PDE8B: variants seen among roughly 807,000 people sequenced by gnomAD.
The protein encoded by PDE8B is high affinity cAMP-specific and IBMX-insensitive 3',5'-cyclic phosphodiesterase 8B.
Under a neutral mutation model 101.3 loss-of-function variants are expected in PDE8B, and 26 were observed. The ratio of observed to expected loss-of-function variants is 0.26; its 90% CI spans 0.19 to 0.36. The LOEUF (loss-of-function observed/expected upper bound fraction) is 0.36, where lower values mean the gene tolerates loss of function less well. PDE8B is among the 10% of genes least tolerant of loss of function. The pLI is 1.00. For synonymous variants in PDE8B, 424 were observed against 429.3 expected, an observed-to-expected ratio of 0.99 and a Z score of 0.15; for missense variants, 810 against 1,163.1, an observed-to-expected ratio of 0.70 and a Z score of 4.42.
chr5:77,093,251 A>G, the PDE8B span, among the ~76,000 whole-genome samples: 1 of 152,130 alleles, frequency 6.6e-6, no homozygotes, highest in South Asian at 2.1e-4. Context: ...TACTAATTCA[A>G]TGTCTTCATT....
intron 1 of PDE8B, among the ~76,000 whole-genome samples, chr5:77,275,887 A>G (rs1471798371): frequency 6.6e-6 from 1 of 152,212 alleles, no homozygotes; most frequent in Non-Finnish European, 1.5e-5. Flanking sequence ...AGACACACCA[A>G]AGGGTACTTA....
intron 10 of PDE8B, among the ~76,000 whole-genome samples, chr5:77,360,879 T>A (rs1013400299): frequency 6.6e-6 from 1 of 152,224 alleles, no homozygotes; most frequent in Admixed American, 6.5e-5. Flanking sequence ...CAGAGCCTCA[T>A]GACCACTCCC....
chr5:77,264,328 T>C (rs927938952), intron 1 of PDE8B, among the ~76,000 whole-genome samples: 1 of 152,246 alleles, frequency 6.6e-6, no homozygotes, highest in African/African-American at 2.4e-5. Context: ...TGTTTAGCTG[T>C]TTGAGGAACT....
the PDE8B span, among the ~76,000 whole-genome samples, chr5:77,106,446 A>G: frequency 1.3e-4 from 20 of 152,200 alleles, no homozygotes; most frequent in African/African-American, 4.8e-4. Context: ...TGGCACAAAA[A>G]TCACTTGACC....
intron 5 of PDE8B, among the ~76,000 whole-genome samples, chr5:77,332,682 A>T (rs1332918163): frequency 2.6e-5 from 4 of 152,148 alleles, no homozygotes; most frequent in Non-Finnish European, 5.9e-5. Context: ...TACTAAAAAT[A>T]CAAAATTAGC....
intron 1 of PDE8B, among the ~76,000 whole-genome samples, chr5:77,310,226 C>T (rs1266347097): frequency 6.6e-6 from 1 of 152,240 alleles, no homozygotes; most frequent in Non-Finnish European, 1.5e-5. Flanking sequence ...GCTGGGATTA[C>T]AGGCGAGAGC....
intron 1 of PDE8B, chr5:77,291,930 T>C (rs1767446258): frequency 1.2e-6 from 1 of 812,954 alleles, no homozygotes; most frequent in African/African-American, 1.7e-5. Flanking sequence ...AATCCCCCTA[T>C]GACCCCAAAG....
upstream of PDE8B, chr5:77,210,414 C>T (rs1229851784): frequency 1.6e-5 from 2 of 126,916 alleles, no homozygotes; most frequent in African/African-American, 3.3e-5. This position sits in a 1 kb window ranked among gnomAD's most constrained non-coding sequence, Gnocchi z 4.9. Flanking sequence ...GCTGCGGCCG[C>T]GGAGCCGGGG....
the PDE8B span, among the ~76,000 whole-genome samples, chr5:77,163,830 T>A: frequency 6.6e-6 from 1 of 152,242 alleles, no homozygotes; most frequent in Non-Finnish European, 1.5e-5. Flanking sequence ...AGAGTCACAG[T>A]TTAAGAACTC....
At chr5:77,231,514 A>G (rs1320021876) in intron 1 of PDE8B, among the ~76,000 whole-genome samples, 1 of 152,226 alleles carries the variant, frequency 6.6e-6, no homozygotes, top group Non-Finnish European at 1.5e-5. Flanking sequence ...CTTTTGTGTG[A>G]TAATCAGAGA....
At chr5:77,315,226 T>C (rs1773547007) in intron 2 of PDE8B, among the ~76,000 whole-genome samples, 1 of 152,238 alleles carries the variant, frequency 6.6e-6, no homozygotes, top group African/African-American at 2.4e-5. Context: ...TAAAAATCTT[T>C]ACTCCCAGGT....
chr5:77,224,952 A>G (rs1751993168), intron 1 of PDE8B, among the ~76,000 whole-genome samples: 2 of 151,916 alleles, frequency 1.3e-5, no homozygotes, highest in Admixed American at 1.3e-4. Flanking sequence ...GATAGGATTC[A>G]GGTTTATTTA....
chr5:77,385,205 G>T (rs1360712263), intron 10 of PDE8B, among the ~76,000 whole-genome samples: 1 of 151,988 alleles, frequency 6.6e-6, no homozygotes, highest in Non-Finnish European at 1.5e-5. Flanking sequence ...GACTTGGGAG[G>T]GTGTATGTGT....
intron 1 of PDE8B, among the ~76,000 whole-genome samples, chr5:77,301,525 T>C (rs930646861): frequency 1.3e-5 from 2 of 152,236 alleles, no homozygotes; most frequent in Non-Finnish European, 2.9e-5. Context: ...TTTTCCACAG[T>C]CTGGATAATT....
At chr5:77,283,072 GA>G (rs1030174102) in intron 1 of PDE8B, among the ~76,000 whole-genome samples, 17 of 152,024 alleles carry the variant, frequency 1.1e-4, no homozygotes, top group African/African-American at 4.1e-4. Flanking sequence ...TAAAAGTATG[GA>G]TATATTATTG....
At chr5:77,366,516 A>G (rs934526225) in intron 10 of PDE8B, among the ~76,000 whole-genome samples, 4 of 152,162 alleles carry the variant, frequency 2.6e-5, no homozygotes, top group Admixed American at 6.5e-5. Context: ...AGGCAGGGGC[A>G]GCTTTTTGCA....
intron 1 of PDE8B, among the ~76,000 whole-genome samples, chr5:77,294,959 G>GA (rs1189387570): frequency 1.3e-5 from 2 of 151,058 alleles, no homozygotes; most frequent in African/African-American, 2.4e-5. Context: ...CCTCTGAAGA[G>GA]AAAAAACCAA....
At chr5:77,094,262 A>G in the PDE8B span, among the ~76,000 whole-genome samples, 39 of 152,350 alleles carry the variant, frequency 2.6e-4, no homozygotes, top group Non-Finnish European at 4.6e-4. Context: ...GAATTTAGCC[A>G]TGTCAATGCA....
intron 1 of PDE8B, among the ~76,000 whole-genome samples, chr5:77,262,957 C>T (rs999535562): frequency 6.6e-6 from 1 of 152,198 alleles, no homozygotes; most frequent in African/African-American, 2.4e-5. Context: ...ACTGAGGACT[C>T]CTTCCTTTTT....
Sources: gnomAD v4.1 joint callset for allele counts (sites outside exome capture counted in the v4.1 genomes callset) on GRCh38, gnomAD v4.1.1 for gene constraint, Gnocchi (gnomAD v3.1) non-coding constraint, MANE v1.5 for transcripts, NCBI Gene and HGNC (gene_info 2026-07-23, HGNC 2026-07-21) for gene names.